Variants in ANKRD12 observed in about 807,000 individuals in gnomAD.
The protein encoded by ANKRD12 is ankyrin repeat domain 12.
ANKRD12 carries 85 observed loss-of-function variants against 183.4 expected under a neutral mutation model. The observed-to-expected ratio is 0.46, with a 90% confidence interval of 0.39 to 0.56. The LOEUF (loss-of-function observed/expected upper bound fraction) is 0.56, where lower values mean the gene tolerates loss of function less well. Among genes scored for constraint, ANKRD12 ranks in the 20% least tolerant of loss-of-function variants. The probability of loss-of-function intolerance (pLI) is 0.00; values close to 1 mark genes in which losing one functional copy is unlikely to be tolerated. For synonymous variants in ANKRD12, 914 were observed against 800.2 expected, an observed-to-expected ratio of 1.14 and a Z score of -2.40; for missense variants, 2,405 against 2,357.1, an observed-to-expected ratio of 1.02 and a Z score of -0.42.
chr18:9,254,715 A>G lies in ANKRD12; in HGVS notation c.1448A>G (p.Lys483Arg), dbSNP rs2038498446. The G allele has an allele frequency of 1.3e-6, 2 of 1,511,730 alleles. No individual in the cohort carries two copies. Among genetic ancestry groups the G allele is most frequent in the African/African-American group, 2.8e-5 (2 of 70,612 alleles). 93.6% of individuals were successfully genotyped at this position (1,511,730 alleles called of 1,614,324 possible). ...AAATTGAAAAATCAGAATAAAAATA[A>G]AGAGAACCAAGAGCTAAAGCAAGAA... is the stretch of plus-strand genomic sequence containing the variant. ...KRKLKNQNKN[K>R]ENQELKQEKE... The change falls in exon 9 of 13, where the codon AAA becomes AGA. Residue 483 changes from lysine (K) to arginine (R), a missense_variant. By Grantham distance (26) the Lys-to-Arg change is conservative (BLOSUM62 2). Coordinates refer to ENST00000262126, the MANE Select transcript of ANKRD12 (RefSeq NM_015208.5).
Position 9,144,657 on chromosome 18 carries a change from C to G in ANKRD12, c.-52+7692C>G, listed in dbSNP as rs76518008. On this transcript the variant is annotated intron_variant, in intron 1 of 12. Transcript: ENST00000262126. ...ATTATAGGTTCTCCACATATACTTG[C>G]AAAAATCTTAACGAGGTTTATCTTA... 1.5e-3 allele frequency among the ~76,000 whole-genome samples: 223 copies of G among 152,174 alleles called. 1 individual carries two copies. The highest frequency in any genetic ancestry group is 5.1e-3 in the African/African-American group (210 of 41,514).
At chr18:9,236,274 C>T (rs2037340709) in intron 8 of ANKRD12, among the ~76,000 whole-genome samples, 1 of 152,166 alleles carries the variant, frequency 6.6e-6, no homozygotes, top group Non-Finnish European at 1.5e-5. Context: ...TATCTATTTT[C>T]ACCTCTTCAC....
chr18:9,245,788 A>G (rs191221183), intron 8 of ANKRD12, among the ~76,000 whole-genome samples: 12 of 152,340 alleles, frequency 7.9e-5, no homozygotes, highest in East Asian at 7.7e-4. Flanking sequence ...TGTTTTGTCA[A>G]TATACTCAAT....
chr18:9,264,983 G>A (rs2039197272), intron 10 of ANKRD12, among the ~76,000 whole-genome samples: 1 of 152,244 alleles, frequency 6.6e-6, no homozygotes, highest in South Asian at 2.1e-4. Context: ...ATTATCTCCT[G>A]CGCCTGACTA....
intron 9 of ANKRD12, 23 bp downstream of exon 9, chr18:9,258,954 A>G (rs2038800102): frequency 7.0e-6 from 11 of 1,578,292 alleles, no homozygotes; most frequent in Admixed American, 5.4e-5. Flanking sequence ...ATCACTTGCT[A>G]TACACCTGTA....
chr18:9,206,152 A>G (rs532132903), intron 4 of ANKRD12, among the ~76,000 whole-genome samples: 6 of 152,186 alleles, frequency 3.9e-5, no homozygotes, highest in African/African-American at 1.4e-4. Context: ...AATCTCTTGT[A>G]TATTTTCTTA....
chr18:9,194,601 C>T (rs1215688303), intron 2 of ANKRD12, among the ~76,000 whole-genome samples: 1 of 152,102 alleles, frequency 6.6e-6, no homozygotes, highest in Non-Finnish European at 1.5e-5. Context: ...AGGTGATACC[C>T]ATGCTGTGGC....
chr18:9,279,550 C>A lies in ANKRD12; in HGVS notation c.5909C>A (p.Ser1970Tyr). ...EVYNVPLDSQ[S>Y]DDSKTSVRDR... ...ATAATACTCACTTTTCTCTTTTAGT[C>A]TGATGACAGTAAAACTTCTGTGAGG... Residue 1970 changes from serine to tyrosine, a missense_variant and splice_region_variant, in exon 12 of 13, where the codon TCT (serine) becomes TAT (tyrosine). Physicochemically the swap from Ser to Tyr is moderately radical, Grantham distance 144 (BLOSUM62 -2). This residue lies in a region of ANKRD12 where 162 missense variants were observed against 272.2 expected (regional missense o/e 0.60). Transcript: ENST00000262126. The A allele has an allele frequency of 6.3e-7, 1 of 1,578,142 alleles. No individual in the cohort carries two copies. Among genetic ancestry groups the A allele is most frequent in the Non-Finnish European group, 8.7e-7 (1 of 1,155,858 alleles).
chr18:9,152,778 G>A (rs982535869), intron 1 of ANKRD12, among the ~76,000 whole-genome samples: 4 of 151,926 alleles, frequency 2.6e-5, no homozygotes, highest in African/African-American at 9.7e-5. Context: ...TAATTTTAAT[G>A]TATATTTTCC....
Position 9,256,624 on chromosome 18 carries a change from A to G in ANKRD12, c.3357A>G (p.Lys1119=), listed in dbSNP as rs2038641988. 1 of 1,604,772 alleles carries G rather than the reference A, an allele frequency of 6.2e-7. No homozygotes were observed. Among genetic ancestry groups the G allele is most frequent in the African/African-American group, 1.4e-5 (1 of 74,058 alleles). ...GAAACCGAAACTGTTTAGAACTTAA[A>G]ATAAAAGATAAAGAAAAAACAAAGC... ...RLRNRNCLEL[K]IKDKEKTKHT... Residue 1119 remains lysine, a synonymous_variant, in exon 9 of 13, where the codon AAA becomes AAG. Transcript: ENST00000262126.
Position 9,195,676 on chromosome 18 carries a change from TGAA to T in ANKRD12, c.217_219del (p.Glu73del). On this transcript the variant is annotated inframe_deletion, in exon 3 of 13. Transcript: ENST00000262126. Reference sequence around the variant, plus strand: ...CTTTTACTATTAGCCCATCAAGAAATGAAGAACGAGATTCAGACACAGGTAGAA... The same window carrying T: ...CTTTTACTATTAGCCCATCAAGAAATGAACGAGATTCAGACACAGGTAGAA... The T allele has an allele frequency of 6.2e-7, 1 of 1,611,074 alleles. No individual in the cohort carries two copies. Among genetic ancestry groups the T allele is most frequent in the Non-Finnish European group, 8.5e-7 (1 of 1,178,622 alleles).
chr18:9,242,626 A>G (rs933050390), intron 8 of ANKRD12, among the ~76,000 whole-genome samples: 2 of 152,174 alleles, frequency 1.3e-5, no homozygotes, highest in African/African-American at 2.4e-5. Flanking sequence ...AAATTTTTGT[A>G]GTGATACAAG....
intron 1 of ANKRD12, among the ~76,000 whole-genome samples, chr18:9,178,622 C>G (rs1169921986): frequency 1.3e-5 from 2 of 152,020 alleles, no homozygotes; most frequent in African/African-American, 2.4e-5. Flanking sequence ...TTGGACTTTT[C>G]TAGGTTCTTA....
chr18:9,217,417 A>G lies in ANKRD12; in HGVS notation c.795+517A>G, dbSNP rs202203739. ...AATACCTATCTAAAATTGATATTTCAAAGGAAAAAAAGACACTACATGTAA... is the reference window on the plus strand; with the variant it reads ...AATACCTATCTAAAATTGATATTTCGAAGGAAAAAAAGACACTACATGTAA... On this transcript the variant is annotated intron_variant, in intron 7 of 12. Transcript: ENST00000262126. Among the ~76,000 whole-genome samples, 26 of 152,330 alleles carry G rather than the reference A, an allele frequency of 1.7e-4. No homozygotes were observed. The East Asian group carries it at 4.4e-3, about 26-fold the overall frequency.
chr18:9,189,342 G>A (rs545611989), intron 2 of ANKRD12, among the ~76,000 whole-genome samples: 80 of 152,300 alleles, frequency 5.3e-4, no homozygotes, highest in Middle Eastern at 3.4e-3. Context: ...GAAAGAAGCT[G>A]TCTCCATAAC....
At chr18:9,165,741 TAA>T (rs2143859448) in intron 1 of ANKRD12, among the ~76,000 whole-genome samples, 1 of 152,288 alleles carries the variant, frequency 6.6e-6, no homozygotes, top group African/African-American at 2.4e-5. Flanking sequence ...TATTCTACTT[TAA>T]GTTTTAGGGT....
intron 8 of ANKRD12, among the ~76,000 whole-genome samples, chr18:9,234,637 A>T (rs1421168496): frequency 6.6e-6 from 1 of 151,690 alleles, no homozygotes; most frequent in Non-Finnish European, 1.5e-5. Flanking sequence ...GGATGTGGAG[A>T]TATGGGGGCT....
At chr18:9,258,994 CACAT>C in intron 9 of ANKRD12, 63 bp downstream of exon 9, 1 of 1,471,690 alleles carries the variant, frequency 6.8e-7, no homozygotes. Context: ...TAATGCTAGC[CACAT>C]ACGTAATTTG....
intron 1 of ANKRD12, among the ~76,000 whole-genome samples, chr18:9,151,779 C>T (rs2078693889): frequency 6.6e-6 from 1 of 152,186 alleles, no homozygotes; most frequent in Admixed American, 6.5e-5. Context: ...AGAGTTCTCT[C>T]TTTACTTTCT....
Sources: allele counts gnomAD v4.1 joint callset (sites outside exome capture counted in the v4.1 genomes callset), GRCh38; gene constraint gnomAD v4.1.1; regional missense constraint gnomAD v4.1.1; transcripts MANE v1.5; gene names NCBI Gene and HGNC (gene_info 2026-07-23, HGNC 2026-07-21).